The following PRKG1 variants were observed in gnomAD, a reference collection of about 807,000 sequenced individuals.
PRKG1 encodes cGMP-dependent protein kinase 1.
Under a neutral mutation model 88.1 loss-of-function variants are expected in PRKG1, and 35 were observed. The observed-to-expected ratio is 0.40, with a 90% CI of 0.30 to 0.53. The LOEUF (loss-of-function observed/expected upper bound fraction) is 0.53, where lower values mean the gene tolerates loss of function less well. PRKG1 is among the 20% of genes least tolerant of loss of function. PRKG1 has a pLI of 0.59. For missense variants in PRKG1, 540 were observed against 839.8 expected, an observed-to-expected ratio of 0.64 and a Z score of 4.41; for synonymous variants, 303 against 292.5, an observed-to-expected ratio of 1.04 and a Z score of -0.37.
chr10:52,118,484 C>A (rs921209481), intron 7 of PRKG1, among the ~76,000 whole-genome samples: 4 of 151,820 alleles, frequency 2.6e-5, no homozygotes, highest in South Asian at 2.1e-4. Context: ...TATTTTAAGA[C>A]CTTTAAAATG....
chr10:52,214,440 C>G (rs561420434), intron 9 of PRKG1, among the ~76,000 whole-genome samples: 2 of 152,190 alleles, frequency 1.3e-5, no homozygotes, highest in African/African-American at 4.8e-5. Context: ...GAATCATCAC[C>G]GCACTAACAT....
Position 51,315,218 on chromosome 10 carries a change from G to A in PRKG1, c.479-152505G>A, listed in dbSNP as rs570030505. Among the ~76,000 whole-genome samples, 3 of 152,254 alleles carry A rather than the reference G, an allele frequency of 2.0e-5. No individual in the cohort carries two copies. In the South Asian group the frequency reaches 6.2e-4, roughly 32 times the overall value. On this transcript the variant is annotated intron_variant, in intron 2 of 17. Transcript: ENST00000373980. ...ATAACATGAGACAAAAAAAGAAACA[G>A]TCATCACTGATCTTCCAGCAAGTCA...
chr10:51,755,178 GC>G (rs1311600289), intron 3 of PRKG1, among the ~76,000 whole-genome samples: 1 of 152,080 alleles, frequency 6.6e-6, no homozygotes, highest in African/African-American at 2.4e-5. Context: ...GAAATTTCCA[GC>G]CAATTAGAGG....
intron 5 of PRKG1, among the ~76,000 whole-genome samples, chr10:52,004,519 T>C (rs1844680829): frequency 6.6e-6 from 1 of 152,216 alleles, no homozygotes; most frequent in African/African-American, 2.4e-5. Flanking sequence ...GATCCCCATC[T>C]ACTGGATAAT....
chr10:51,746,886 T>C (rs1837595662), intron 3 of PRKG1, among the ~76,000 whole-genome samples: 1 of 152,150 alleles, frequency 6.6e-6, no homozygotes, highest in African/African-American at 2.4e-5. Context: ...AACAAAATAT[T>C]ATTTTCCAAG....
intron 5 of PRKG1, among the ~76,000 whole-genome samples, chr10:51,920,683 T>C (rs1842445480): frequency 6.6e-6 from 1 of 152,164 alleles, no homozygotes; most frequent in South Asian, 2.1e-4. Context: ...TATGTGATCT[T>C]GAGCAAGTTA....
At chr10:51,995,288 T>C (rs546600295) in intron 5 of PRKG1, among the ~76,000 whole-genome samples, 102 of 152,252 alleles carry the variant, frequency 6.7e-4, no homozygotes, top group African/African-American at 2.4e-3. Context: ...GTTTTAACAG[T>C]GAATGAGTCT....
At chr10:51,322,649 A>G (rs1281003593) in intron 2 of PRKG1, among the ~76,000 whole-genome samples, 1 of 152,016 alleles carries the variant, frequency 6.6e-6, no homozygotes, top group East Asian at 1.9e-4. Context: ...CCATCATCTG[A>G]TTTAATAGAA....
intron 3 of PRKG1, among the ~76,000 whole-genome samples, chr10:51,527,005 A>C (rs1236999346): frequency 6.6e-6 from 1 of 152,218 alleles, no homozygotes; most frequent in African/African-American, 2.4e-5. Context: ...CCTCTGTTGG[A>C]ACTACTCCAA....
chr10:51,433,829 A>G (rs2166112), intron 2 of PRKG1, among the ~76,000 whole-genome samples: 41,968 of 152,014 alleles, frequency 0.28, 6,295 homozygotes, highest in Non-Finnish European at 0.35. Flanking sequence ...TAATACATAA[A>G]TCTCTCATAA....
At chr10:51,435,642 T>C (rs1238614086) in intron 2 of PRKG1, among the ~76,000 whole-genome samples, 2 of 152,004 alleles carry the variant, frequency 1.3e-5, no homozygotes, top group Non-Finnish European at 2.9e-5. Flanking sequence ...TATTTATGCT[T>C]ACTTACTCCA....
intron 2 of PRKG1, among the ~76,000 whole-genome samples, chr10:51,203,405 C>T (rs1399981927): frequency 1.3e-5 from 2 of 152,086 alleles, no homozygotes; most frequent in Non-Finnish European, 2.9e-5. Context: ...TAAATTCTTG[C>T]TCTACATGGT....
intron 3 of PRKG1, among the ~76,000 whole-genome samples, chr10:51,626,891 T>G (rs937282208): frequency 7.2e-5 from 11 of 152,190 alleles, no homozygotes; most frequent in African/African-American, 2.7e-4. Flanking sequence ...ATTTTTAGTG[T>G]TCAGGGCTCT....
intron 7 of PRKG1, among the ~76,000 whole-genome samples, chr10:52,094,342 A>G (rs1847125000): frequency 6.6e-6 from 1 of 152,126 alleles, no homozygotes; most frequent in Non-Finnish European, 1.5e-5. Context: ...TTCCTTTGTC[A>G]GCTGCTAAGC....
chr10:51,977,293 T>C (rs1423504881), intron 5 of PRKG1, among the ~76,000 whole-genome samples: 1 of 152,036 alleles, frequency 6.6e-6, no homozygotes, highest in Non-Finnish European at 1.5e-5. Context: ...CTGAAAAAGA[T>C]ATGATCTTAT....
At chr10:51,316,972 A>G (rs949605414) in intron 2 of PRKG1, among the ~76,000 whole-genome samples, 1 of 152,160 alleles carries the variant, frequency 6.6e-6, no homozygotes, top group African/African-American at 2.4e-5. Flanking sequence ...TAGCCAAGAA[A>G]TCTTCCCACA....
At chr10:51,209,615 A>G (rs1838160209) in intron 2 of PRKG1, among the ~76,000 whole-genome samples, 1 of 152,168 alleles carries the variant, frequency 6.6e-6, no homozygotes, top group Non-Finnish European at 1.5e-5. Context: ...TAATTTTTTT[A>G]TTCATATCTT....
At chr10:51,787,885 A>G (rs978959561) in intron 3 of PRKG1, among the ~76,000 whole-genome samples, 2 of 152,200 alleles carry the variant, frequency 1.3e-5, no homozygotes, top group Non-Finnish European at 2.9e-5. Context: ...GGCAGGCATG[A>G]GGAGATGACA....
At chr10:51,374,093 A>AAAAAAAAATATATATAT in intron 2 of PRKG1, among the ~76,000 whole-genome samples, 6 of 100,138 alleles carry the variant, frequency 6.0e-5, no homozygotes, top group African/African-American at 2.0e-4. Context: ...AAAAAAAAAA[A>AAAAAAAAATATATATAT]ATATATATAT....
Sources: allele counts gnomAD v4.1 joint callset (sites outside exome capture counted in the v4.1 genomes callset), GRCh38; gene constraint gnomAD v4.1.1; transcripts MANE v1.5; gene names NCBI Gene and HGNC (gene_info 2026-07-23, HGNC 2026-07-21).